ARHGAP31: variants seen among roughly 807,000 people sequenced by gnomAD.
The protein encoded by ARHGAP31 is rho GTPase-activating protein 31.
In ARHGAP31, 34 loss-of-function variants were observed where a neutral mutation model predicts 113.9. That is an observed-to-expected ratio of 0.30 (90% CI 0.23 to 0.40). ARHGAP31 has a LOEUF of 0.40. ARHGAP31 is among the 10% of genes least tolerant of loss of function. The probability of loss-of-function intolerance (pLI) is 1.00; values close to 1 mark genes in which losing one functional copy is unlikely to be tolerated. For missense variants in ARHGAP31, 1,548 were observed against 1,767.1 expected (o/e 0.88, Z 2.22); for synonymous variants, 650 against 684.8 (o/e 0.95, Z 0.79).
At position 119,315,537 on chromosome 3, in the gene ARHGAP31, T is replaced by G. The variant is rs1203838259; in HGVS notation, c.100+20533T>G. 5.3e-5 allele frequency among the ~76,000 whole-genome samples: 8 copies of G among 152,376 alleles called. No homozygotes were observed. In the South Asian group the frequency reaches 1.7e-3, roughly 32 times the overall value. On this transcript the variant is annotated intron_variant, in intron 1 of 11. Coordinates refer to ENST00000264245, the MANE Select transcript of ARHGAP31 (RefSeq NM_020754.4). Reference sequence around the variant, plus strand: ...CAAAGGAAAAGACAAGACCCTGGCCTGTGATGACTCTGCAAAGGCCCAGCT... The same window carrying G: ...CAAAGGAAAAGACAAGACCCTGGCCGGTGATGACTCTGCAAAGGCCCAGCT...
chr3:119,414,416 G>A lies in ARHGAP31; in HGVS notation c.2487G>A (p.Glu829=), dbSNP rs113966268. ...IDQLKSQDSP[E]ISSLCQGEEA... is the part of the protein sequence containing the mutation. ...AGCTGAAGTCCCAAGACAGCCCTGA[G>A]ATCTCTAGCCTCTGTCAGGGAGAGG... The change falls in exon 12 of 12, where the codon GAG becomes GAA. Residue 829 remains glutamate, a synonymous_variant. Transcript: ENST00000264245. 6.8e-6 allele frequency: 11 copies of A among 1,614,254 alleles called. 1 individual carries two copies. The highest frequency in any genetic ancestry group is 6.8e-6 in the Non-Finnish European group (8 of 1,180,054).
Position 119,415,124 on chromosome 3 carries a change from A to G in ARHGAP31, c.3195A>G (p.Pro1065=). The change falls in exon 12 of 12, where the codon CCA becomes CCG. Residue 1065 remains proline (P), a synonymous_variant. Coordinates refer to ENST00000264245, the MANE Select transcript of ARHGAP31 (RefSeq NM_020754.4). ...TTAGGCAAGGTGGTGTTCCTGGGCC[A>G]GAGAGCAGCAAGGAGAGTTCACCCA... The part of the protein sequence containing the change: ...PQIRQGGVPG[P]ESSKESSPSV... The G allele has an allele frequency of 6.2e-7, 1 of 1,614,196 alleles. No homozygotes were observed. Among genetic ancestry groups the G allele is most frequent in the Non-Finnish European group, 8.5e-7 (1 of 1,180,038 alleles).
At chr3:119,400,915 C>T (rs771053017) in intron 9 of ARHGAP31, among the ~76,000 whole-genome samples, 3 of 152,120 alleles carry the variant, frequency 2.0e-5, no homozygotes, top group African/African-American at 7.2e-5. Context: ...TCATGCCTGT[C>T]ATCCCAGCAC....
chr3:119,314,089 C>G (rs1293296495), intron 1 of ARHGAP31, among the ~76,000 whole-genome samples: 1 of 152,200 alleles, frequency 6.6e-6, no homozygotes, highest in African/African-American at 2.4e-5. Context: ...ATCTCCCGAC[C>G]AGAGCATTAT....
intron 1 of ARHGAP31, among the ~76,000 whole-genome samples, chr3:119,353,267 C>G (rs549472645): frequency 1.9e-4 from 29 of 152,324 alleles, no homozygotes; most frequent in African/African-American, 6.5e-4. Flanking sequence ...ACACAATTTC[C>G]TGTTCTTGTT....
rs533133188 is a variant in ARHGAP31 at position 119,411,936 on chromosome 3, A to C, written c.1927-1920A>C. Among the ~76,000 whole-genome samples the C allele has an allele frequency of 7.9e-5, 12 of 152,314 alleles. No homozygotes were observed. In the South Asian group the frequency reaches 2.5e-3, roughly 32 times the overall value. ...CATTGGGAATAATAAGACAAGCATT[A>C]AAGTAACTGTAATATGAAACAACAA... On this transcript the variant is annotated intron_variant, in intron 11 of 11. Transcript: ENST00000264245.
chr3:119,409,829 G>T, intron 11 of ARHGAP31, 53 bp downstream of exon 11: 1 of 1,515,586 alleles, frequency 6.6e-7, no homozygotes, highest in Non-Finnish European at 8.8e-7. Context: ...TTTTCCCAAG[G>T]GCTCTTGGTA....
At chr3:119,327,642 T>C (rs1333244368) in intron 1 of ARHGAP31, among the ~76,000 whole-genome samples, 1 of 152,234 alleles carries the variant, frequency 6.6e-6, no homozygotes, top group Non-Finnish European at 1.5e-5. Context: ...TAGTCTTCCC[T>C]TTAGTGTTTG....
chr3:119,382,269 T>C, intron 4 of ARHGAP31, 23 bp from the exon 5 acceptor site: 3 of 1,609,368 alleles, frequency 1.9e-6, no homozygotes, highest in Non-Finnish European at 2.6e-6. Flanking sequence ...TTTCTTACTT[T>C]GTCAAAAAAC....
chr3:119,322,137 G>A (rs1038691523), intron 1 of ARHGAP31, among the ~76,000 whole-genome samples: 1 of 152,206 alleles, frequency 6.6e-6, no homozygotes, highest in Non-Finnish European at 1.5e-5. Context: ...ATTAAAAGGT[G>A]TGTTATTAGT....
At position 119,414,565 on chromosome 3, in the gene ARHGAP31, C is replaced by T; in HGVS notation, c.2636C>T (p.Thr879Ile). 1 of 1,614,208 alleles carries T rather than the reference C, an allele frequency of 6.2e-7. No individual in the cohort carries two copies. The highest frequency in any genetic ancestry group is 8.5e-7 in the Non-Finnish European group (1 of 1,180,034). ...GTCTCACAAGAAGAGGAGGATGTAACCCATTCAGTACAGGAGCCTTCAGAC... is the reference window on the plus strand; with the variant it reads ...GTCTCACAAGAAGAGGAGGATGTAATCCATTCAGTACAGGAGCCTTCAGAC... Reference protein sequence around the residue: ...EIVSQEEEDVTHSVQEPSDCD... With the variant: ...EIVSQEEEDVIHSVQEPSDCD... The change falls in exon 12 of 12, where the codon ACC becomes ATC. Residue 879 changes from threonine (T) to isoleucine (I), a missense_variant. Physicochemically the swap from Thr to Ile is moderately conservative, Grantham distance 89 (BLOSUM62 -1). Transcript: ENST00000264245.
chr3:119,390,547 G>A (rs1175944938), intron 6 of ARHGAP31, among the ~76,000 whole-genome samples: 1 of 152,228 alleles, frequency 6.6e-6, no homozygotes, highest in Non-Finnish European at 1.5e-5. Context: ...TCTCTGAAAA[G>A]TATGGAAGGT....
At chr3:119,328,701 C>T (rs1576996250) in intron 1 of ARHGAP31, among the ~76,000 whole-genome samples, 1 of 151,850 alleles carries the variant, frequency 6.6e-6, no homozygotes, top group Non-Finnish European at 1.5e-5. Context: ...AGTGCAATGG[C>T]GCGATCTTGG....
chr3:119,335,815 A>G (rs569374841), intron 1 of ARHGAP31, among the ~76,000 whole-genome samples: 3 of 152,344 alleles, frequency 2.0e-5, no homozygotes, highest in Non-Finnish European at 2.9e-5. Context: ...AAGACAGCCA[A>G]TCTGCAAATG....
At chr3:119,318,851 T>A (rs552674261) in intron 1 of ARHGAP31, among the ~76,000 whole-genome samples, 2 of 152,030 alleles carry the variant, frequency 1.3e-5, no homozygotes, top group South Asian at 4.1e-4. Context: ...TGGGAAAAAA[T>A]TGAGAAGGTG....
rs547002616 is a variant in ARHGAP31 at position 119,317,368 on chromosome 3, C to T, written c.100+22364C>T. ...TAATTTTTTGTATTTTTAGTAGAGA[C>T]GGGGTTTCACCGTGTTAGCCAGGAT... is the stretch of plus-strand genomic sequence containing the variant. On this transcript the variant is annotated intron_variant, in intron 1 of 11. Coordinates refer to ENST00000264245, the MANE Select transcript of ARHGAP31 (RefSeq NM_020754.4). Among the ~76,000 whole-genome samples the T allele has an allele frequency of 3.8e-4, 58 of 152,028 alleles. No homozygotes were observed. The South Asian group carries it at 0.011, about 29-fold the overall frequency.
At chr3:119,312,113 A>G (rs10934490) in intron 1 of ARHGAP31, among the ~76,000 whole-genome samples, 58,821 of 152,120 alleles carry the variant, frequency 0.39, 11,575 homozygotes, top group Non-Finnish European at 0.41. Flanking sequence ...AAATGTGTCC[A>G]TTTAAATTCC....
At chr3:119,342,734 G>A (rs2080020239) in intron 1 of ARHGAP31, among the ~76,000 whole-genome samples, 1 of 152,214 alleles carries the variant, frequency 6.6e-6, no homozygotes, top group Non-Finnish European at 1.5e-5. Context: ...CGGATCACCT[G>A]AGGTTGGGAG....
intron 3 of ARHGAP31, among the ~76,000 whole-genome samples, chr3:119,380,684 C>T (rs558720961): frequency 7.9e-5 from 12 of 152,202 alleles, no homozygotes; most frequent in African/African-American, 2.4e-4. Context: ...GGCAGCCCAC[C>T]GCCTGCTGTG....
Sources: allele counts gnomAD v4.1 joint callset (sites outside exome capture counted in the v4.1 genomes callset), GRCh38; gene constraint gnomAD v4.1.1; transcripts MANE v1.5; gene names NCBI Gene and HGNC (gene_info 2026-07-23, HGNC 2026-07-21).